The following PSPC1 variants were observed in gnomAD, a reference collection of about 807,000 sequenced individuals.
PSPC1 encodes paraspeckle component 1.
In PSPC1, 14 loss-of-function variants were observed where a neutral mutation model predicts 51.6. That is an observed-to-expected ratio of 0.27 (90% confidence interval 0.18 to 0.42). The LOEUF (loss-of-function observed/expected upper bound fraction) is 0.42. Ranked by LOEUF, PSPC1 falls within the 10% of genes least tolerant of loss-of-function variation. PSPC1 has a pLI of 1.00. For missense variants in PSPC1, 406 were observed against 701.1 expected, an observed-to-expected ratio of 0.58 and a Z score of 4.75; for synonymous variants, 193 against 231.9, an observed-to-expected ratio of 0.83 and a Z score of 1.53.
chr13:19,752,594 A>C (rs114422764), intron 3 of PSPC1, among the ~76,000 whole-genome samples: 61 of 150,248 alleles, frequency 4.1e-4, no homozygotes, highest in Admixed American at 2.0e-4. Context: ...TTATTTATTT[A>C]TTTATTTTTG....
At chr13:19,720,560 C>G (rs997764562) in intron 6 of PSPC1, among the ~76,000 whole-genome samples, 8 of 152,270 alleles carry the variant, frequency 5.3e-5, no homozygotes, top group South Asian at 4.1e-4. Context: ...AAGTAACTAA[C>G]TCAAAGCTAC....
chr13:19,674,058 G>GACTA (rs1010850168), downstream of PSPC1, among the ~76,000 whole-genome samples: 1 of 152,200 alleles, frequency 6.6e-6, no homozygotes, highest in African/African-American at 2.4e-5. Context: ...GTGATCTCAG[G>GACTA]ACTAAGATCA....
intron 4 of PSPC1, among the ~76,000 whole-genome samples, chr13:19,744,651 G>A (rs1339924760): frequency 6.6e-6 from 1 of 151,500 alleles, no homozygotes; most frequent in Non-Finnish European, 1.5e-5. Flanking sequence ...TGCAACCTCT[G>A]CCTACCAGGT....
intron 1 of PSPC1, among the ~76,000 whole-genome samples, chr13:19,780,153 C>A (rs1347668978): frequency 5.7e-5 from 2 of 34,874 alleles, no homozygotes; most frequent in African/African-American, 1.1e-4. Context: ...ATCAGCCCCC[C>A]GCCCGGCCAG....
intron 6 of PSPC1, among the ~76,000 whole-genome samples, chr13:19,729,803 A>G (rs1026872057): frequency 7.2e-5 from 11 of 152,192 alleles, no homozygotes; most frequent in African/African-American, 2.7e-4. Context: ...CAAATAACAT[A>G]AATTGGGAAA....
chr13:19,710,532 T>C (rs1381025302), intron 6 of PSPC1, among the ~76,000 whole-genome samples: 7 of 151,702 alleles, frequency 4.6e-5, no homozygotes, highest in East Asian at 3.8e-4. Flanking sequence ...TACTGTACTT[T>C]TGAAAAGCAA....
intron 6 of PSPC1, among the ~76,000 whole-genome samples, chr13:19,689,503 A>C (rs981509158): frequency 3.3e-5 from 5 of 152,240 alleles, no homozygotes; most frequent in Admixed American, 3.3e-4. Context: ...AACCAAAATT[A>C]TATCATAATG....
At chr13:19,678,007 A>C (rs570716560) in intron 6 of PSPC1, 104 of 324,964 alleles carry the variant, frequency 3.2e-4, no homozygotes, top group African/African-American at 2.2e-3. Flanking sequence ...AATACTCTCC[A>C]TTTCCTCAAA....
chr13:19,687,307 A>C (rs1441142518), intron 6 of PSPC1, among the ~76,000 whole-genome samples: 1 of 152,078 alleles, frequency 6.6e-6, no homozygotes, highest in Non-Finnish European at 1.5e-5. Context: ...TGTTCTATGG[A>C]GCTTCAATGG....
chr13:19,701,826 T>C (rs868833436), downstream of PSPC1, among the ~76,000 whole-genome samples: 2 of 152,344 alleles, frequency 1.3e-5, no homozygotes, highest in African/African-American at 4.8e-5. Flanking sequence ...GAAACAGCTA[T>C]GCTATGATCA....
chr13:19,763,259 T>C (rs1887758460), intron 2 of PSPC1, among the ~76,000 whole-genome samples: 1 of 152,146 alleles, frequency 6.6e-6, no homozygotes, highest in African/African-American at 2.4e-5. Context: ...GGGCTCAAGA[T>C]ATCCTCTCGC....
chr13:19,734,984 TCAAA>T (rs1272980611), intron 5 of PSPC1, among the ~76,000 whole-genome samples: 2 of 95,442 alleles, frequency 2.1e-5, no homozygotes, highest in African/African-American at 5.5e-5. Context: ...TCTCAAAAAA[TCAAA>T]CAAACAAACA....
At chr13:19,735,717 A>G (rs11618455) in intron 5 of PSPC1, among the ~76,000 whole-genome samples, 18,228 of 152,138 alleles carry the variant, frequency 0.12, 1,216 homozygotes, top group Middle Eastern at 0.16. Context: ...AATCTCTTCA[A>G]TTTAATTGTG....
downstream of PSPC1, chr13:19,671,304 T>G (rs1173128862): frequency 2.5e-6 from 4 of 1,599,740 alleles, no homozygotes; most frequent in South Asian, 4.4e-5. Flanking sequence ...CAGTCCTTTC[T>G]TCACATTTAG....
intron 3 of PSPC1, among the ~76,000 whole-genome samples, chr13:19,756,724 T>C (rs1363003387): frequency 1.3e-5 from 2 of 150,912 alleles, no homozygotes; most frequent in Admixed American, 1.3e-4. Flanking sequence ...CTCAAACTCC[T>C]GACCTCGTGA....
intron 5 of PSPC1, among the ~76,000 whole-genome samples, chr13:19,739,860 T>C (rs1192100038): frequency 6.7e-6 from 1 of 149,116 alleles, no homozygotes; most frequent in Non-Finnish European, 1.5e-5. Flanking sequence ...TTGAGAGTTG[T>C]TTAAAAAAAA....
chr13:19,724,957 T>G (rs1324066090), intron 6 of PSPC1, among the ~76,000 whole-genome samples: 2 of 150,932 alleles, frequency 1.3e-5, no homozygotes, highest in Admixed American at 6.6e-5. Context: ...CGAAATCATG[T>G]CACTGCACTC....
chr13:19,774,540 C>T (rs1050205721), intron 1 of PSPC1, among the ~76,000 whole-genome samples: 22 of 152,198 alleles, frequency 1.4e-4, no homozygotes, highest in East Asian at 1.9e-4. Context: ...TGGCTCACAC[C>T]TGTAATCCCA....
Position 19,727,405 on chromosome 13 carries a change from T to TA in PSPC1, c.1158+2833dup, listed in dbSNP as rs543334319. ...GTGAAACTCTGCCTCAATAAATAAA[T>TA]AAAAAAAAAAAGAAACTTCTCAAAT... On this transcript the variant is annotated intron_variant, in intron 6 of 8. Transcript: ENST00000338910. Among the ~76,000 whole-genome samples the TA allele has an allele frequency of 8.9e-4, 124 of 138,796 alleles. 1 individual carries two copies. Among genetic ancestry groups the TA allele is most frequent in the Middle Eastern group, 3.6e-3 (1 of 276 alleles). The allele number at this position is 138,796 out of a possible 152,430, so 91.1% of individuals were successfully genotyped here. A position where few individuals can be genotyped will look rare whatever the true frequency, so the allele number is the denominator to read the frequency against.
Sources: gnomAD v4.1 joint callset for allele counts (sites outside exome capture counted in the v4.1 genomes callset) on GRCh38, gnomAD v4.1.1 for gene constraint, MANE v1.5 for transcripts, NCBI Gene and HGNC (gene_info 2026-07-23, HGNC 2026-07-21) for gene names.